Variants in UGT2B11 observed in about 807,000 individuals in gnomAD.
UGT2B11 encodes the protein UDP-glucuronosyltransferase 2B11.
Under a neutral mutation model 51.7 loss-of-function variants are expected in UGT2B11, and 49 were observed. The observed-to-expected ratio is 0.95, with a 90% CI of 0.75 to 1.20. The LOEUF (loss-of-function observed/expected upper bound fraction) is 1.20. Among genes scored for constraint, UGT2B11 ranks in the 50% most tolerant of loss-of-function variants. The pLI is 0.00. For missense variants in UGT2B11, 810 were observed against 622.1 expected (o/e 1.30, Z -3.21); for synonymous variants, 273 against 209.0 (o/e 1.31, Z -2.64).
At chr4:69,219,276 T>C (rs1250017730), upstream of UGT2B11, among the ~76,000 whole-genome samples, 1 of 152,132 alleles carries the variant, frequency 6.6e-6, no homozygotes, top group Non-Finnish European at 1.5e-5. Context: ...CCCTGCCCCA[T>C]TTTTTAATGG....
upstream of UGT2B11, chr4:69,214,760 T>C: frequency 1.3e-6 from 2 of 1,596,642 alleles, no homozygotes; most frequent in Non-Finnish European, 1.7e-6. Flanking sequence ...AGTCACTGTT[T>C]CTTTCTCATA....
rs369722166 is a variant in UGT2B11, at chr4:69,213,984, G to A, written c.721+18C>T. 41 of 1,541,156 alleles carry A rather than the reference G, an allele frequency of 2.7e-5. No individual in the cohort carries two copies. The highest frequency in any genetic ancestry group is 6.8e-5 in the East Asian group (3 of 44,284). On this transcript the variant is annotated intron_variant, in intron 1 of 5. Transcript: ENST00000446444. ...AAATAAGTTAGATCTTCACGTTACC[G>A]ATTAAACAAATTCTTACCTAAAACT...
chr4:69,206,440 A>G (rs2109945066), intron 3 of UGT2B11, among the ~76,000 whole-genome samples: 1 of 151,802 alleles, frequency 6.6e-6, no homozygotes, highest in South Asian at 2.1e-4. Context: ...ACGTGGACAC[A>G]TAGATGGCAA....
At chr4:69,203,944 T>C (rs1055164708) in intron 5 of UGT2B11, among the ~76,000 whole-genome samples, 1 of 151,640 alleles carries the variant, frequency 6.6e-6, no homozygotes, top group Non-Finnish European at 1.5e-5. Context: ...ACTGTAAACA[T>C]AGTAAAAATA....
At chr4:69,203,775 A>G (rs987255499) in intron 5 of UGT2B11, among the ~76,000 whole-genome samples, 1 of 151,754 alleles carries the variant, frequency 6.6e-6, no homozygotes, top group African/African-American at 2.4e-5. Flanking sequence ...GATTCCATTT[A>G]TATGAAATAT....
chr4:69,209,328 T>C (rs540763306), intron 2 of UGT2B11, among the ~76,000 whole-genome samples: 1 of 151,782 alleles, frequency 6.6e-6, no homozygotes, highest in Non-Finnish European at 1.5e-5. Context: ...ATCACTTTGT[T>C]GTGTCTCAGA....
intron 2 of UGT2B11, among the ~76,000 whole-genome samples, chr4:69,211,964 C>A (rs1223315340): frequency 6.6e-6 from 1 of 151,410 alleles, no homozygotes; most frequent in Non-Finnish European, 1.5e-5. Flanking sequence ...AACCTGAGGA[C>A]TTGAGAACTG....
rs143688180 is a variant in UGT2B11 at position 69,208,468 on chromosome 4, A to C, written c.885T>G (p.Phe295Leu). ...AKPLPKEMEEFVQSSGENGVV... is the reference protein window; with the variant it reads ...AKPLPKEMEELVQSSGENGVV... ...CACCATTTTCTCCAGAGCTCTGTAC[A>C]AACTCCTCCATTTCCTGTGAAAAAA... is the stretch of plus-strand genomic sequence containing the variant. The change falls in exon 3 of 6, where the codon TTT becomes TTG. Residue 295 changes from phenylalanine (F) to leucine (L), a missense_variant. Coordinates refer to ENST00000446444, the MANE Select transcript of UGT2B11 (RefSeq NM_001073.3). 1,765 of 1,608,816 alleles carry C rather than the reference A, an allele frequency of 1.1e-3. 15 individuals are homozygous for C. The African/African-American group carries it at 0.022, about 20-fold the overall frequency.
At chr4:69,220,471 CACACTACA>C in the UGT2B11 span, among the ~76,000 whole-genome samples, 1 of 16,506 alleles carries the variant, frequency 6.1e-5, no homozygotes, top group Non-Finnish European at 1.8e-4. Flanking sequence ...TGGGGGGGCT[CACACTACA>C]CATTTTGCAC....
At chr4:69,216,307 A>G (rs1159841733), upstream of UGT2B11, 2 of 151,330 alleles carry the variant, frequency 1.3e-5, no homozygotes, top group Admixed American at 6.6e-5. Flanking sequence ...TAGTTTTTGC[A>G]TCTTTGAATC....
At chr4:69,217,728 C>G (rs186444966), upstream of UGT2B11, among the ~76,000 whole-genome samples, 2 of 152,110 alleles carry the variant, frequency 1.3e-5, no homozygotes, top group Admixed American at 1.3e-4. Context: ...GAGATGAAAC[C>G]TATGCTGAGA....
Position 69,200,701 on chromosome 4 carries a change from C to A in UGT2B11, c.1329G>T (p.Met443Ile). The A allele has an allele frequency of 1.9e-6, 3 of 1,610,856 alleles. No homozygotes were observed. Among genetic ancestry groups the A allele is most frequent in the Non-Finnish European group, 2.5e-6 (3 of 1,178,380 alleles). ...GATCATGTTGAATTCTTGATAATTT[C>A]ATAATATTCTCTTTATATCTGAAGG... Reference protein sequence around the residue: ...INDPLYKENIMKLSRIQHDQP... With the variant: ...INDPLYKENIIKLSRIQHDQP... Residue 443 changes from methionine to isoleucine, a missense_variant, in exon 6 of 6, where the codon ATG becomes ATT. Physicochemically the swap from Met to Ile is conservative, Grantham distance 10. Transcript: ENST00000446444.
chr4:69,213,911 C>T, intron 1 of UGT2B11, 91 bp downstream of exon 1: 1 of 1,442,030 alleles, frequency 6.9e-7, no homozygotes, highest in Non-Finnish European at 9.1e-7. Context: ...ACCAAAAACT[C>T]CACTTCCCTG....
chr4:69,204,200 A>C (rs1721763166), intron 5 of UGT2B11: 1 of 446,804 alleles, frequency 2.2e-6, no homozygotes, highest in Non-Finnish European at 3.7e-6. Context: ...TCATTTTAAA[A>C]TTATTTTTGT....
At position 69,214,055 on chromosome 4, in the gene UGT2B11, C is replaced by T. The variant is rs774939033; in HGVS notation, c.668G>A (p.Trp223Ter). The change falls in exon 1 of 6, where the codon TGG becomes TAG. Residue 223 changes from tryptophan to a stop codon, truncating the protein, a stop_gained. Coordinates refer to ENST00000446444, the MANE Select transcript of UGT2B11 (RefSeq NM_001073.3). LOFTEE classifies it high-confidence loss of function. ...CTTCTTCATATCAGACATTTGGAAC[C>T]AAAAGTCAAAATAAAGCACATAGAT... Reference protein sequence around the residue: ...NMIYVLYFDFWFQMSDMKKWD... With the variant: ...NMIYVLYFDF 3.7e-6 allele frequency: 6 copies of T among 1,604,176 alleles called. No individual in the cohort carries two copies. The highest frequency in any genetic ancestry group is 3.4e-5 in the South Asian group (3 of 89,234).
chr4:69,208,391 GC>G lies in UGT2B11; in HGVS notation c.961del (p.Ala321ProfsTer3), dbSNP rs1721937174. On this transcript the variant is annotated frameshift_variant, in exon 3 of 6. Coordinates refer to ENST00000446444, the MANE Select transcript of UGT2B11 (RefSeq NM_001073.3). LOFTEE classifies it high-confidence loss of function. ...GGCAAGGGCTGTTGCAATTACATTG[GC>G]CCTTTCTGCTGTCATGTTACTTATC... ...SVISNMTAERANVIATALAKI... is the reference protein window; with the variant it reads ...SVISNMTAERXNVIATALAKI... 1 of 1,610,582 alleles carries G rather than the reference GC, an allele frequency of 6.2e-7. No individual in the cohort carries two copies. Among genetic ancestry groups the G allele is most frequent in the African/African-American group, 1.3e-5 (1 of 74,464 alleles).
chr4:69,203,995 G>C (rs955555619), intron 5 of UGT2B11, among the ~76,000 whole-genome samples: 3 of 151,364 alleles, frequency 2.0e-5, no homozygotes, highest in Admixed American at 2.0e-4. Flanking sequence ...TTAAGCTATC[G>C]AAATTAAATC....
At chr4:69,219,302 T>C (rs954709584), upstream of UGT2B11, among the ~76,000 whole-genome samples, 10 of 152,108 alleles carry the variant, frequency 6.6e-5, no homozygotes, top group Admixed American at 3.9e-4. Context: ...TTTGTGTATG[T>C]TTTATTAATT....
At chr4:69,209,904 T>G (rs1204979826) in intron 2 of UGT2B11, among the ~76,000 whole-genome samples, 1 of 151,638 alleles carries the variant, frequency 6.6e-6, no homozygotes, top group Admixed American at 6.6e-5. Context: ...ACAAAATTAA[T>G]GTAAGAAATT....
Sources: allele counts gnomAD v4.1 joint callset (sites outside exome capture counted in the v4.1 genomes callset), GRCh38; gene constraint gnomAD v4.1.1; transcripts MANE v1.5; gene names NCBI Gene and HGNC (gene_info 2026-07-23, HGNC 2026-07-21).